The following AMD1 variants were observed in gnomAD, a reference collection of about 807,000 sequenced individuals.
AMD1 encodes the protein S-adenosylmethionine decarboxylase proenzyme.
Under a neutral mutation model 40.2 loss-of-function variants are expected in AMD1, and 11 were observed. The ratio of observed to expected loss-of-function variants is 0.27; its 90% CI spans 0.17 to 0.45. The LOEUF (loss-of-function observed/expected upper bound fraction) is 0.45. AMD1 is among the 20% of genes least tolerant of loss of function. The pLI is 1.00. For synonymous variants in AMD1, 121 were observed against 130.8 expected, an observed-to-expected ratio of 0.93 and a Z score of 0.51; for missense variants, 257 against 410.2, an observed-to-expected ratio of 0.63 and a Z score of 3.23.
At chr6:110,831,267 A>G in the AMD1 span, among the ~76,000 whole-genome samples, 2 of 151,740 alleles carry the variant, frequency 1.3e-5, no homozygotes, top group African/African-American at 2.4e-5. Flanking sequence ...GTGAAACCCC[A>G]TCTCTACTAA....
At chr6:110,869,921 T>G (rs1784884119), upstream of AMD1, among the ~76,000 whole-genome samples, 1 of 151,630 alleles carries the variant, frequency 6.6e-6, no homozygotes, top group Non-Finnish European at 1.5e-5. Context: ...TTCTTTCTTC[T>G]TTTTTAAATA....
chr6:110,857,692 G>A, the AMD1 span, among the ~76,000 whole-genome samples: 1 of 140,668 alleles, frequency 7.1e-6, no homozygotes, highest in South Asian at 2.3e-4. Flanking sequence ...TATATATACA[G>A]ATGGCATATA....
At chr6:110,840,810 G>A in the AMD1 span, among the ~76,000 whole-genome samples, 1 of 152,012 alleles carries the variant, frequency 6.6e-6, no homozygotes, top group Non-Finnish European at 1.5e-5. Flanking sequence ...GGGCAGGAGG[G>A]CAGAGAGATT....
upstream of AMD1, among the ~76,000 whole-genome samples, chr6:110,874,267 C>T (rs1054317893): frequency 6.6e-6 from 1 of 152,216 alleles, no homozygotes; most frequent in Non-Finnish European, 1.5e-5. Flanking sequence ...GTGCGCGTCA[C>T]GGACAAATGT....
At chr6:110,889,577 G>T (rs2115305700) in intron 3 of AMD1, 1 of 152,426 alleles carries the variant, frequency 6.6e-6, no homozygotes, top group East Asian at 1.9e-4. Flanking sequence ...CCAAGTAGCT[G>T]GGATCACAGG....
upstream of AMD1, among the ~76,000 whole-genome samples, chr6:110,873,718 G>C (rs928855637): frequency 2.6e-5 from 4 of 151,600 alleles, no homozygotes; most frequent in Non-Finnish European, 5.9e-5. Flanking sequence ...ACCATGGCTT[G>C]ACGACTATTT....
intron 8 of AMD1, 112 bp from the exon 9 acceptor site, chr6:110,893,364 A>G: frequency 1.4e-6 from 2 of 1,427,974 alleles, no homozygotes; most frequent in Non-Finnish European, 1.9e-6. Context: ...GGCAGCTAAA[A>G]TAACTCAGAT....
chr6:110,870,376 G>A (rs1409606425), upstream of AMD1, among the ~76,000 whole-genome samples: 1 of 152,176 alleles, frequency 6.6e-6, no homozygotes, highest in Non-Finnish European at 1.5e-5. Context: ...TGTAATGCCA[G>A]CACTCTGGGA....
rs1786186687 is a variant in AMD1, at chr6:110,894,227, A to T, written c.*611A>T. ...CATTTTGCATATTTGCTATTTTAAC[A>T]TTATTGGACCCTGCATTTATAGTCC... On this transcript the variant is annotated 3_prime_UTR_variant, in exon 9 of 9. Transcript: ENST00000368885. 6.5e-6 allele frequency: 1 copy of T among 152,938 alleles called. No homozygotes were observed. Among genetic ancestry groups the T allele is most frequent in the Non-Finnish European group, 1.5e-5 (1 of 68,276 alleles). 9.5% of individuals were successfully genotyped at this position (152,938 alleles called of 1,614,324 possible).
intron 8 of AMD1, 49 bp downstream of exon 8, chr6:110,893,114 TAAAG>T (rs1786124852): frequency 1.3e-6 from 2 of 1,500,688 alleles, no homozygotes; most frequent in Non-Finnish European, 1.8e-6. Context: ...TTTAAAATCT[TAAAG>T]GAAATGAGAC....
the AMD1 span, among the ~76,000 whole-genome samples, chr6:110,822,448 GC>G: frequency 6.6e-6 from 1 of 151,948 alleles, no homozygotes; most frequent in Admixed American, 6.6e-5. Context: ...AAAAGCCCAG[GC>G]CAGAAAGATT....
At chr6:110,866,860 C>G in the AMD1 span, among the ~76,000 whole-genome samples, 1 of 151,590 alleles carries the variant, frequency 6.6e-6, no homozygotes, top group South Asian at 2.1e-4. Context: ...GTTGCCCAGG[C>G]TGGAGTGCAA....
chr6:110,888,767 C>A, intron 2 of AMD1, 90 bp from the exon 3 acceptor site: 2 of 1,360,772 alleles, frequency 1.5e-6, no homozygotes, highest in South Asian at 1.4e-5. Flanking sequence ...AAAGTACTAG[C>A]CAAAATTGTA....
chr6:110,862,120 A>T, the AMD1 span, among the ~76,000 whole-genome samples: 1 of 150,922 alleles, frequency 6.6e-6, no homozygotes. Flanking sequence ...CCCAGGTTCA[A>T]GTGATTCTCC....
chr6:110,878,767 AAAG>A (rs1346881026), intron 1 of AMD1, among the ~76,000 whole-genome samples: 18 of 152,290 alleles, frequency 1.2e-4, no homozygotes, highest in African/African-American at 4.1e-4. Flanking sequence ...TTTGCTGAGA[AAAG>A]AATGATTTTT....
chr6:110,862,721 C>A, the AMD1 span, among the ~76,000 whole-genome samples: 32 of 151,392 alleles, frequency 2.1e-4, no homozygotes, highest in South Asian at 4.1e-4. Context: ...CTGCCTGCCT[C>A]GGCCTCCCAA....
chr6:110,833,174 T>C, the AMD1 span, among the ~76,000 whole-genome samples: 1 of 152,226 alleles, frequency 6.6e-6, no homozygotes, highest in Non-Finnish European at 1.5e-5. Flanking sequence ...GCAAAGGCTA[T>C]GTCTATTTCA....
chr6:110,892,114 AT>A lies in AMD1; in HGVS notation c.428-45del, dbSNP rs762965627. The A allele has an allele frequency of 1.4e-5, 23 of 1,595,642 alleles. No individual in the cohort carries two copies. The South Asian group carries it at 2.4e-4, about 17-fold the overall frequency. ...TGGAAGGGTAGTAACAAACCATCCT[AT>A]TAAATGGATGTGTTATATTTATTTT... On this transcript the variant is annotated intron_variant, in intron 4 of 8. Transcript: ENST00000368885.
chr6:110,839,704 T>G, the AMD1 span, among the ~76,000 whole-genome samples: 1 of 152,192 alleles, frequency 6.6e-6, no homozygotes, highest in Non-Finnish European at 1.5e-5. Flanking sequence ...AGTGGGGGCA[T>G]GGGAAGTTTA....
Sources: allele counts gnomAD v4.1 joint callset (sites outside exome capture counted in the v4.1 genomes callset), GRCh38; gene constraint gnomAD v4.1.1; transcripts MANE v1.5; gene names NCBI Gene and HGNC (gene_info 2026-07-23, HGNC 2026-07-21).